Variants in PLD1 observed in about 807,000 individuals in gnomAD.
The protein encoded by PLD1 is phospholipase D1.
In PLD1, 112 loss-of-function variants were observed where a neutral mutation model predicts 137.1. That is an observed-to-expected ratio of 0.82 (90% confidence interval 0.70 to 0.96). PLD1 has a LOEUF of 0.96. Among genes scored for constraint, PLD1 ranks in the 40% least tolerant of loss-of-function variants. The probability of loss-of-function intolerance (pLI) is 0.00; values close to 1 mark genes in which losing one functional copy is unlikely to be tolerated. For synonymous variants in PLD1, 431 were observed against 454.7 expected (o/e 0.95, Z 0.66); for missense variants, 1,321 against 1,342.0 (o/e 0.98, Z 0.24).
At chr3:171,741,516 G>A (rs949087276) in intron 1 of PLD1, among the ~76,000 whole-genome samples, 2 of 152,144 alleles carry the variant, frequency 1.3e-5, no homozygotes, top group Non-Finnish European at 2.9e-5. Flanking sequence ...ATGGGATAAG[G>A]GCTTCAGTGT....
At chr3:171,648,715 C>T (rs939388173) in intron 21 of PLD1, among the ~76,000 whole-genome samples, 53 of 152,182 alleles carry the variant, frequency 3.5e-4, no homozygotes, top group Admixed American at 2.2e-3. Context: ...CCACCACGCC[C>T]GGCTAATTTT....
chr3:171,671,943 CA>C (rs1712808697), intron 19 of PLD1, among the ~76,000 whole-genome samples: 1 of 152,062 alleles, frequency 6.6e-6, no homozygotes, highest in Non-Finnish European at 1.5e-5. Context: ...CTTCTAGGAC[CA>C]GGTCCAAATT....
chr3:171,696,822 ATTTC>A (rs1268158724), intron 12 of PLD1, among the ~76,000 whole-genome samples: 8 of 152,234 alleles, frequency 5.3e-5, no homozygotes, highest in Non-Finnish European at 1.2e-4. Context: ...TTGTATTACT[ATTTC>A]TTTAGGAAAT....
intron 8 of PLD1, among the ~76,000 whole-genome samples, chr3:171,718,304 G>A (rs747167265): frequency 1.3e-5 from 2 of 152,160 alleles, no homozygotes; most frequent in Non-Finnish European, 2.9e-5. Context: ...ATTAGAATCA[G>A]TAATAAATAG....
At chr3:171,717,045 A>G (rs1272057907) in intron 8 of PLD1, among the ~76,000 whole-genome samples, 1 of 151,964 alleles carries the variant, frequency 6.6e-6, no homozygotes, top group Non-Finnish European at 1.5e-5. Context: ...TGGGCTCTAT[A>G]ATTCTGTTCC....
At position 171,605,529 on chromosome 3, in the gene PLD1, G is replaced by A. The variant is rs1732138695; in HGVS notation, c.2883-113C>T. On this transcript the variant is annotated intron_variant, in intron 25 of 26. Transcript: ENST00000351298. Reference sequence around the variant, plus strand: ...GCAAATATATATATGCAAATTATTTGAGAGACCATGACCTAGCTACTCTCA... The same window carrying A: ...GCAAATATATATATGCAAATTATTTAAGAGACCATGACCTAGCTACTCTCA... 3 of 685,454 alleles carry A rather than the reference G, an allele frequency of 4.4e-6. No individual in the cohort carries two copies. The African/African-American group carries it at 5.4e-5, about 12-fold the overall frequency. The allele number at this position is 685,454 out of a possible 1,614,324, so 42.5% of individuals were successfully genotyped here.
intron 1 of PLD1, among the ~76,000 whole-genome samples, chr3:171,764,912 GAAAGA>G (rs1200239626): frequency 8.3e-3 from 222 of 26,692 alleles, no homozygotes; most frequent in Non-Finnish European, 0.011. Context: ...AGGAAGGAAG[GAAAGA>G]AAGAAAGGAA....
Position 171,639,864 on chromosome 3 carries a change from A to ATATC in PLD1, c.2593+2975_2593+2976insGATA, listed in dbSNP as rs1201814755. Among the ~76,000 whole-genome samples, 40 of 142,430 alleles carry ATATC rather than the reference A, an allele frequency of 2.8e-4. 1 individual carries two copies. Among genetic ancestry groups the ATATC allele is most frequent in the African/African-American group, 9.4e-4 (36 of 38,156 alleles). The allele number at this position is 142,430 out of a possible 152,430, so 93.4% of individuals were successfully genotyped here. ...TCTCTCTCTCTATATATATATATAT[A>ATATC]TCTCCTATTGGTTCTGTTTCTTGAG... On this transcript the variant is annotated intron_variant, in intron 23 of 26. Coordinates refer to ENST00000351298, the MANE Select transcript of PLD1 (RefSeq NM_002662.5).
intron 24 of PLD1, among the ~76,000 whole-genome samples, chr3:171,613,968 G>T (rs779936294): frequency 8.0e-4 from 122 of 152,178 alleles, no homozygotes; most frequent in Non-Finnish European, 1.5e-3. Context: ...GAAGGGTCAG[G>T]TTGAACAGGC....
At chr3:171,747,967 T>C (rs1239269091) in intron 1 of PLD1, among the ~76,000 whole-genome samples, 1 of 152,256 alleles carries the variant, frequency 6.6e-6, no homozygotes, top group African/African-American at 2.4e-5. Flanking sequence ...GAATATGAAG[T>C]TGTCTGTGTT....
chr3:171,682,839 G>A (rs754262289), intron 16 of PLD1, among the ~76,000 whole-genome samples: 8 of 152,132 alleles, frequency 5.3e-5, no homozygotes, highest in Admixed American at 4.6e-4. Context: ...ATCGACTTTG[G>A]AAAGCACTGC....
At chr3:171,709,439 C>A (rs1560238352) in intron 10 of PLD1, 121 bp downstream of exon 10, 2 of 695,406 alleles carry the variant, frequency 2.9e-6, no homozygotes, top group African/African-American at 1.8e-5. Flanking sequence ...AAAAGAGAAG[C>A]CCTTGTTAAG....
rs554208659 is a variant in PLD1 at position 171,667,295 on chromosome 3, G to A, written c.2230-5125C>T. Among the ~76,000 whole-genome samples the A allele has an allele frequency of 4.4e-4, 67 of 152,304 alleles. 2 individuals carry two copies. In the South Asian group the frequency reaches 0.014, roughly 31 times the overall value. On this transcript the variant is annotated intron_variant, in intron 19 of 26. Transcript: ENST00000351298. ...CTGTACTGAGAACAGCAGGCAAGGA[G>A]CATCAAGAAATTGACCTAGTTCAAG...
chr3:171,790,705 T>C (rs1015446906), intron 1 of PLD1, among the ~76,000 whole-genome samples: 6 of 152,144 alleles, frequency 3.9e-5, no homozygotes, highest in Non-Finnish European at 8.8e-5. Context: ...GTAAATATGA[T>C]GTTGAGAGCC....
Position 171,612,260 on chromosome 3 carries a change from C to G in PLD1, c.2882+19G>C. The G allele has an allele frequency of 6.2e-7, 1 of 1,610,990 alleles. No individual in the cohort carries two copies. On this transcript the variant is annotated intron_variant, in intron 25 of 26. Transcript: ENST00000351298. This position sits in a 1 kb window ranked among gnomAD's most constrained non-coding sequence, Gnocchi z 4.1. ...CTGCAGTGGAAATGCATCAGAGAGA[C>G]ACACTTTGGCGGACTGACCTAAAGC...
chr3:171,607,348 A>C (rs759224284), intron 25 of PLD1, among the ~76,000 whole-genome samples: 2 of 152,276 alleles, frequency 1.3e-5, no homozygotes, highest in South Asian at 2.1e-4. Context: ...CAGATTTAAG[A>C]AGCTGAAAAT....
At chr3:171,604,580 C>T (rs1000929922) in intron 26 of PLD1, among the ~76,000 whole-genome samples, 1 of 152,208 alleles carries the variant, frequency 6.6e-6, no homozygotes, top group South Asian at 2.1e-4. Context: ...GGGCAACTAG[C>T]TACTTTTCGA....
At chr3:171,780,404 TG>T (rs1283094285) in intron 1 of PLD1, among the ~76,000 whole-genome samples, 1 of 152,130 alleles carries the variant, frequency 6.6e-6, no homozygotes, top group Non-Finnish European at 1.5e-5. Context: ...GCTTTAAACG[TG>T]GTAGTTAGCT....
intron 1 of PLD1, chr3:171,788,535 C>T (rs1359563955): frequency 6.6e-6 from 1 of 152,132 alleles, no homozygotes; most frequent in Non-Finnish European, 1.5e-5. Flanking sequence ...CTATTAGCTT[C>T]CCAAATAAAA....
Sources: gnomAD v4.1 joint callset for allele counts (sites outside exome capture counted in the v4.1 genomes callset) on GRCh38, gnomAD v4.1.1 for gene constraint, Gnocchi (gnomAD v3.1) non-coding constraint, MANE v1.5 for transcripts, NCBI Gene and HGNC (gene_info 2026-07-23, HGNC 2026-07-21) for gene names.